The following KALRN variants were observed in gnomAD, a reference collection of about 807,000 sequenced individuals.
KALRN encodes the protein kalirin RhoGEF kinase, also known as kalirin.
Under a neutral mutation model 353.7 loss-of-function variants are expected in KALRN, and 70 were observed. The observed-to-expected ratio is 0.20, with a 90% CI of 0.16 to 0.24. The LOEUF (loss-of-function observed/expected upper bound fraction) is 0.24. Among genes scored for constraint, KALRN ranks in the 10% least tolerant of loss-of-function variants. The probability of loss-of-function intolerance (pLI) is 1.00; values close to 1 mark genes in which losing one functional copy is unlikely to be tolerated. For missense variants in KALRN, 2,791 were observed against 3,756.7 expected (o/e 0.74, Z 6.72); for synonymous variants, 1,391 against 1,434.8 (o/e 0.97, Z 0.69).
Position 124,441,935 on chromosome 3 carries a change from T to C in KALRN, c.3199-10T>C. The C allele has an allele frequency of 1.3e-6, 2 of 1,546,990 alleles. No individual in the cohort carries two copies. Among genetic ancestry groups the C allele is most frequent in the Non-Finnish European group, 1.8e-6 (2 of 1,135,842 alleles). On this transcript the variant is annotated splice_polypyrimidine_tract_variant and intron_variant, in intron 18 of 59. Coordinates refer to ENST00000682506, the MANE Select transcript of KALRN (RefSeq NM_001388419.1). ...CTGGGACAGGGGCCTCACAGCTTTG[T>C]CTTTCGCAGGCCTGCACCCTGGCTC... is the stretch of plus-strand genomic sequence containing the variant.
intron 23 of KALRN, among the ~76,000 whole-genome samples, chr3:124,458,344 C>G (rs1194012779): frequency 6.6e-6 from 1 of 151,164 alleles, no homozygotes; most frequent in African/African-American, 2.4e-5. Context: ...GTTTCCCTTC[C>G]TTTTTTTCCT....
At chr3:124,052,287 A>G (rs2041117187) in intron 1 of KALRN, among the ~76,000 whole-genome samples, 1 of 152,182 alleles carries the variant, frequency 6.6e-6, no homozygotes, top group Non-Finnish European at 1.5e-5. Flanking sequence ...GGTTCTCAGA[A>G]TCTTTTCAAA....
chr3:124,394,441 T>G (rs1277832714), intron 11 of KALRN, among the ~76,000 whole-genome samples: 1 of 152,256 alleles, frequency 6.6e-6, no homozygotes, highest in African/African-American at 2.4e-5. Flanking sequence ...CAGTTTTAAC[T>G]CCTCATCATT....
chr3:124,697,523 G>T, intron 54 of KALRN, 70 bp from the exon 55 acceptor site: 1 of 1,445,516 alleles, frequency 6.9e-7, no homozygotes, highest in Non-Finnish European at 9.2e-7. Flanking sequence ...TTTCCTAGAT[G>T]ACTTATACCT....
At chr3:124,341,781 G>T (rs2081750377) in intron 9 of KALRN, among the ~76,000 whole-genome samples, 1 of 152,138 alleles carries the variant, frequency 6.6e-6, no homozygotes, top group African/African-American at 2.4e-5. Flanking sequence ...GGCAATAATT[G>T]TAGTTTCAAC....
intron 15 of KALRN, among the ~76,000 whole-genome samples, chr3:124,424,924 C>A (rs2092948305): frequency 1.3e-5 from 2 of 152,154 alleles, no homozygotes; most frequent in Non-Finnish European, 1.5e-5. Context: ...AAACTTCAGC[C>A]TAGGCCTCCT....
At chr3:124,200,013 CT>C in intron 1 of KALRN, among the ~76,000 whole-genome samples, 1 of 152,314 alleles carries the variant, frequency 6.6e-6, no homozygotes, top group East Asian at 1.9e-4. Context: ...ATGACCGATC[CT>C]CTTCTGCATA....
chr3:124,535,160 G>A (rs899025543), intron 33 of KALRN, among the ~76,000 whole-genome samples: 4 of 151,142 alleles, frequency 2.6e-5, no homozygotes, highest in African/African-American at 4.9e-5. Flanking sequence ...GTGGATGGGG[G>A]GATATTTCCT....
At chr3:124,189,966 C>T (rs1029695518) in intron 1 of KALRN, among the ~76,000 whole-genome samples, 2 of 147,978 alleles carry the variant, frequency 1.4e-5, no homozygotes, top group South Asian at 2.1e-4. Flanking sequence ...AACATAGAAG[C>T]GAGAATTTAT....
chr3:124,136,699 G>A (rs956722838), intron 1 of KALRN, among the ~76,000 whole-genome samples: 1 of 152,156 alleles, frequency 6.6e-6, no homozygotes. Context: ...GGCTGTTAAA[G>A]GCCCAGAAAT....
intron 10 of KALRN, among the ~76,000 whole-genome samples, chr3:124,354,330 C>T (rs1227702158): frequency 6.6e-6 from 1 of 152,196 alleles, no homozygotes; most frequent in Non-Finnish European, 1.5e-5. Context: ...GAGAAACATG[C>T]ATGCCTATGT....
chr3:124,641,737 CTG>C (rs1193135596), intron 37 of KALRN, among the ~76,000 whole-genome samples: 1 of 152,208 alleles, frequency 6.6e-6, no homozygotes, highest in African/African-American at 2.4e-5. Flanking sequence ...GGAAAGGGAA[CTG>C]TGTCATCCTT....
intron 34 of KALRN, among the ~76,000 whole-genome samples, chr3:124,602,603 G>A (rs1332710931): frequency 6.6e-6 from 1 of 152,178 alleles, no homozygotes; most frequent in Non-Finnish European, 1.5e-5. Flanking sequence ...AGGAGTGAGG[G>A]GAATGTGTTC....
intron 55 of KALRN, among the ~76,000 whole-genome samples, chr3:124,698,396 G>A (rs575568603): frequency 9.5e-4 from 145 of 152,320 alleles, no homozygotes; most frequent in South Asian, 2.1e-3. Context: ...CAGCACAGAG[G>A]CCTCAGTGCC....
intron 14 of KALRN, among the ~76,000 whole-genome samples, chr3:124,419,034 T>A (rs1213687955): frequency 6.6e-6 from 1 of 151,048 alleles, no homozygotes; most frequent in African/African-American, 2.4e-5. Flanking sequence ...ATCGCACCAC[T>A]GCACTCCAGC....
intron 1 of KALRN, among the ~76,000 whole-genome samples, chr3:124,123,115 G>A (rs148134619): frequency 8.5e-4 from 129 of 151,578 alleles, no homozygotes; most frequent in Admixed American, 1.4e-3. Context: ...CAGGAGAATC[G>A]CTTGAACATG....
chr3:124,490,243 A>G (rs187008162), intron 29 of KALRN, among the ~76,000 whole-genome samples: 19 of 152,302 alleles, frequency 1.2e-4, no homozygotes, highest in South Asian at 2.1e-4. Flanking sequence ...AAAAATAATA[A>G]TAAGAAGAAT....
chr3:124,144,635 ATCC>A (rs1342124981), intron 1 of KALRN, among the ~76,000 whole-genome samples: 18 of 120,384 alleles, frequency 1.5e-4, no homozygotes, highest in African/African-American at 3.6e-4. Flanking sequence ...CCTCTTCCTC[ATCC>A]TCCTCCTCTT....
In KALRN at chr3:124,426,073, G is replaced by T. The variant is rs554596441; in HGVS notation, c.2709+3095G>T. 2.6e-5 allele frequency among the ~76,000 whole-genome samples: 4 copies of T among 152,298 alleles called. No homozygotes were observed. In the South Asian group the frequency reaches 8.3e-4, roughly 32 times the overall value. Reference sequence around the variant, plus strand: ...ACCAAGCCCTTTGCAAAAGGGCAGTGGCCCTCGAGGTGCCAAGGGACTGCT... The same window carrying T: ...ACCAAGCCCTTTGCAAAAGGGCAGTTGCCCTCGAGGTGCCAAGGGACTGCT... On this transcript the variant is annotated intron_variant, in intron 15 of 59. Transcript: ENST00000682506.
Sources: gnomAD v4.1 joint callset for allele counts (sites outside exome capture counted in the v4.1 genomes callset) on GRCh38, gnomAD v4.1.1 for gene constraint, MANE v1.5 for transcripts, NCBI Gene and HGNC (gene_info 2026-07-23, HGNC 2026-07-21) for gene names.